The following CAST variants were observed in gnomAD, a reference collection of about 807,000 sequenced individuals.
The protein encoded by CAST is MIR583 host.
CAST carries 76 observed loss-of-function variants against 119.6 expected under a neutral mutation model. The ratio of observed to expected loss-of-function variants is 0.64; its 90% CI spans 0.53 to 0.77. The LOEUF is 0.77. CAST is among the 30% of genes least tolerant of loss of function. The pLI, the probability that CAST is intolerant of heterozygous loss-of-function variation, is 0.00. For missense variants in CAST, 953 were observed against 946.5 expected (o/e 1.01, Z -0.09); for synonymous variants, 319 against 331.6 (o/e 0.96, Z 0.41).
At chr5:96,208,296 T>C in the CAST span, among the ~76,000 whole-genome samples, 3 of 152,014 alleles carry the variant, frequency 2.0e-5, no homozygotes, top group Admixed American at 2.0e-4. Context: ...ATTGATCTTT[T>C]GTATGCTTTT....
At chr5:96,240,962 T>C in the CAST span, among the ~76,000 whole-genome samples, 1 of 152,256 alleles carries the variant, frequency 6.6e-6, no homozygotes, top group African/African-American at 2.4e-5. Context: ...CAGAATGAAA[T>C]TTATTATGTA....
intron 19 of CAST, among the ~76,000 whole-genome samples, chr5:96,750,087 C>G (rs756262284): frequency 3.3e-5 from 5 of 152,084 alleles, no homozygotes; most frequent in Non-Finnish European, 5.9e-5. Context: ...ACCTTCCATT[C>G]CTACATAGCT....
chr5:96,104,283 G>C, the CAST span, among the ~76,000 whole-genome samples: 1 of 152,090 alleles, frequency 6.6e-6, no homozygotes, highest in Non-Finnish European at 1.5e-5. Flanking sequence ...CATTGCTTTT[G>C]GTGTTTTAGA....
the CAST span, chr5:96,412,584 A>G: frequency 8.2e-7 from 1 of 1,212,968 alleles, no homozygotes; most frequent in Admixed American, 1.9e-5. Context: ...TTTTTAAAGG[A>G]TTTTAAGAGT....
chr5:96,576,335 A>T (rs1746668027), intron 1 of CAST, among the ~76,000 whole-genome samples: 1 of 151,884 alleles, frequency 6.6e-6, no homozygotes, highest in African/African-American at 2.4e-5. Context: ...AATCATCTAG[A>T]TCTAAAGTTT....
At chr5:96,093,451 G>A in the CAST span, among the ~76,000 whole-genome samples, 1 of 152,224 alleles carries the variant, frequency 6.6e-6, no homozygotes. Context: ...AGGGACAATG[G>A]GCAGGGTGGA....
the CAST span, among the ~76,000 whole-genome samples, chr5:96,076,659 C>T: frequency 6.6e-6 from 1 of 152,102 alleles, no homozygotes; most frequent in African/African-American, 2.4e-5. Flanking sequence ...AAGCATTTGC[C>T]ACGTCATAAG....
chr5:96,373,460 C>G, the CAST span, among the ~76,000 whole-genome samples: 2 of 152,182 alleles, frequency 1.3e-5, no homozygotes, highest in Non-Finnish European at 2.9e-5. Flanking sequence ...CTTTTGCCAA[C>G]AATATTTCAC....
In CAST at chr5:96,695,912, G is replaced by C; in HGVS notation, c.210+5G>C. 1.2e-6 allele frequency: 2 copies of C among 1,607,958 alleles called. No individual in the cohort carries two copies. The highest frequency in any genetic ancestry group is 1.7e-6 in the Non-Finnish European group (2 of 1,175,218). On this transcript the variant is annotated splice_donor_5th_base_variant and intron_variant, in intron 3 of 31. Coordinates refer to ENST00000675179, the MANE Select transcript of CAST (RefSeq NM_001750.7). Reference sequence around the variant, plus strand: ...GGAACAGCCTCGGCCACCAAGGTCAGTGATTTCCTGAACACGAAAAGACCC... The same window carrying C: ...GGAACAGCCTCGGCCACCAAGGTCACTGATTTCCTGAACACGAAAAGACCC...
chr5:96,661,315 C>T (rs535921244), upstream of CAST, among the ~76,000 whole-genome samples: 1 of 134,362 alleles, frequency 7.4e-6, no homozygotes, highest in South Asian at 2.7e-4. Flanking sequence ...GTCCCAAGTA[C>T]TTAGGAGACT....
chr5:96,021,174 A>C, the CAST span, among the ~76,000 whole-genome samples: 3 of 152,158 alleles, frequency 2.0e-5, no homozygotes, highest in Non-Finnish European at 4.4e-5. Context: ...TTGTTTAGTT[A>C]AGGATCATTA....
At chr5:96,148,272 T>C in the CAST span, among the ~76,000 whole-genome samples, 1 of 152,218 alleles carries the variant, frequency 6.6e-6, no homozygotes, top group African/African-American at 2.4e-5. Context: ...ACCTCTGATA[T>C]GTTGAAACAA....
chr5:96,516,742 T>C, the CAST span, among the ~76,000 whole-genome samples: 1 of 152,244 alleles, frequency 6.6e-6, no homozygotes, highest in Non-Finnish European at 1.5e-5. Context: ...ACAAGTTATT[T>C]GACTCAGCTC....
At chr5:96,364,000 A>G in the CAST span, among the ~76,000 whole-genome samples, 8 of 152,186 alleles carry the variant, frequency 5.3e-5, no homozygotes, top group Non-Finnish European at 7.3e-5. Flanking sequence ...ATTTTGAGAT[A>G]CATCCCATCA....
the CAST span, among the ~76,000 whole-genome samples, chr5:96,180,226 C>G: frequency 6.6e-6 from 1 of 152,138 alleles, no homozygotes; most frequent in East Asian, 1.9e-4. Context: ...ATCTTATACA[C>G]TTACATTTAA....
the CAST span, among the ~76,000 whole-genome samples, chr5:96,435,275 C>T: frequency 1.3e-5 from 2 of 152,264 alleles, no homozygotes; most frequent in South Asian, 4.1e-4. Flanking sequence ...AGGCATTTGT[C>T]TTAAATGGAG....
the CAST span, among the ~76,000 whole-genome samples, chr5:96,204,879 G>A: frequency 1.3e-5 from 2 of 152,158 alleles, no homozygotes; most frequent in East Asian, 3.9e-4. Context: ...GAATTTATTA[G>A]TCCAGCATCT....
intron 1 of CAST, among the ~76,000 whole-genome samples, chr5:96,651,612 T>C (rs144165233): frequency 8.9e-4 from 135 of 152,308 alleles, no homozygotes; most frequent in African/African-American, 3.1e-3. Context: ...AACTGCAATC[T>C]GTAAAGATTT....
At chr5:96,446,178 A>AT in the CAST span, among the ~76,000 whole-genome samples, 2 of 117,796 alleles carry the variant, frequency 1.7e-5, no homozygotes, top group Non-Finnish European at 3.5e-5. Flanking sequence ...TTTTTAGTGT[A>AT]CAAAAAAAAA....
Sources: allele counts gnomAD v4.1 joint callset (sites outside exome capture counted in the v4.1 genomes callset), GRCh38; gene constraint gnomAD v4.1.1; transcripts MANE v1.5; gene names NCBI Gene and HGNC (gene_info 2026-07-23, HGNC 2026-07-21).